Variants in TYW1B observed in about 807,000 individuals in gnomAD.
TYW1B encodes the protein tRNA-yW synthesizing protein 1 homolog B, also known as S-adenosyl-L-methionine-dependent tRNA 4-demethylwyosine synthase TYW1B.
In TYW1B, 73 loss-of-function variants were observed where a neutral mutation model predicts 86.9. That is an observed-to-expected ratio of 0.84 (90% CI 0.70 to 1.02). The LOEUF (loss-of-function observed/expected upper bound fraction) is 1.02. TYW1B is among the 50% of genes least tolerant of loss of function. The pLI is 0.00. For synonymous variants in TYW1B, 248 were observed against 292.8 expected (o/e 0.85, Z 1.56); for missense variants, 637 against 827.4 (o/e 0.77, Z 2.82).
chr7:72,651,606 C>T lies in TYW1B; in HGVS notation c.1507-22609G>A, dbSNP rs186756593. On this transcript the variant is annotated intron_variant, in intron 11 of 13. Transcript: ENST00000620995. Reference sequence around the variant, plus strand: ...CTCCAGCCTGGCCAACAGAGTGAGACTCCAACTCAAAAAAGTTAAAAAATT... The same window carrying T: ...CTCCAGCCTGGCCAACAGAGTGAGATTCCAACTCAAAAAAGTTAAAAAATT... 6.7e-4 allele frequency among the ~76,000 whole-genome samples: 102 copies of T among 152,228 alleles called. 1 individual carries two copies. Among genetic ancestry groups the T allele is most frequent in the Admixed American group, 5.3e-3 (81 of 15,270 alleles).
At chr7:72,755,619 G>A (rs1490079211) in intron 7 of TYW1B, among the ~76,000 whole-genome samples, 1 of 152,176 alleles carries the variant, frequency 6.6e-6, no homozygotes, top group Non-Finnish European at 1.5e-5. Flanking sequence ...AGCCGAGATC[G>A]TGCCACTGCA....
At chr7:72,679,723 A>G (rs541404650) in intron 11 of TYW1B, among the ~76,000 whole-genome samples, 2 of 152,338 alleles carry the variant, frequency 1.3e-5, no homozygotes, top group East Asian at 3.9e-4. Context: ...GTCAAAAATT[A>G]AATCAAGTTG....
chr7:72,805,793 C>T (rs1175653710), intron 5 of TYW1B, among the ~76,000 whole-genome samples: 1 of 151,972 alleles, frequency 6.6e-6, no homozygotes, highest in Non-Finnish European at 1.5e-5. Flanking sequence ...ACAGATCATC[C>T]GCAAGGATGC....
At chr7:72,677,027 T>C (rs1361467838) in intron 11 of TYW1B, among the ~76,000 whole-genome samples, 13 of 152,126 alleles carry the variant, frequency 8.5e-5, no homozygotes, top group African/African-American at 2.9e-4. Context: ...GTTGGGGTGA[T>C]GACAATGTTC....
At chr7:72,687,434 CA>C (rs1209384609) in intron 11 of TYW1B, among the ~76,000 whole-genome samples, 2 of 151,760 alleles carry the variant, frequency 1.3e-5, no homozygotes, top group South Asian at 2.1e-4. Context: ...AACTCCACCT[CA>C]AAAAAATAAA....
At chr7:72,729,114 T>A (rs1461098544) in intron 8 of TYW1B, among the ~76,000 whole-genome samples, 183 bp from the exon 9 acceptor site, 2 of 152,062 alleles carry the variant, frequency 1.3e-5, no homozygotes, top group Non-Finnish European at 2.9e-5. Context: ...CAGAGAGGGG[T>A]GAATAGAGAA....
intron 11 of TYW1B, among the ~76,000 whole-genome samples, chr7:72,665,561 C>T (rs1246869052): frequency 6.6e-6 from 1 of 152,200 alleles, no homozygotes; most frequent in Non-Finnish European, 1.5e-5. Context: ...CTTATTTTCA[C>T]TATCTTACAA....
At chr7:72,701,207 A>G (rs541948553) in intron 10 of TYW1B, among the ~76,000 whole-genome samples, 1 of 152,288 alleles carries the variant, frequency 6.6e-6, no homozygotes, top group East Asian at 1.9e-4. Context: ...TCAACTGTAT[A>G]GGACACATTC....
chr7:72,658,678 T>C (rs1554444035), intron 11 of TYW1B, among the ~76,000 whole-genome samples: 2 of 152,242 alleles, frequency 1.3e-5, no homozygotes, highest in Admixed American at 6.5e-5. Flanking sequence ...TATGGATATG[T>C]ATGTACAAAT....
intron 9 of TYW1B, among the ~76,000 whole-genome samples, chr7:72,728,355 G>A (rs1375878009): frequency 6.6e-6 from 1 of 152,094 alleles, no homozygotes; most frequent in Admixed American, 6.6e-5. Context: ...TGCCCAGGTT[G>A]GAGTGGAGTG....
intron 11 of TYW1B, among the ~76,000 whole-genome samples, chr7:72,632,319 T>G (rs1409851710): frequency 1.5e-5 from 1 of 67,680 alleles, no homozygotes; most frequent in African/African-American, 1.1e-4. Context: ...ATATTATATA[T>G]ATTATATATA....
chr7:72,659,838 C>T (rs1409130542), intron 11 of TYW1B, among the ~76,000 whole-genome samples: 1 of 152,196 alleles, frequency 6.6e-6, no homozygotes, highest in East Asian at 1.9e-4. Context: ...TGAAACAGCA[C>T]TGCATTCAGG....
intron 8 of TYW1B, among the ~76,000 whole-genome samples, chr7:72,741,769 T>A (rs1787308682): frequency 6.6e-6 from 1 of 152,132 alleles, no homozygotes; most frequent in South Asian, 2.1e-4. Flanking sequence ...GTATAAGGGA[T>A]CCTTAGTAAA....
chr7:72,692,415 G>A (rs1814193423), intron 11 of TYW1B, among the ~76,000 whole-genome samples: 2 of 152,046 alleles, frequency 1.3e-5, no homozygotes. Flanking sequence ...TTGGGAGGCT[G>A]AGGCAGGAGG....
chr7:72,804,042 T>A (rs1788451589), intron 5 of TYW1B, among the ~76,000 whole-genome samples: 1 of 151,840 alleles, frequency 6.6e-6, no homozygotes, highest in Non-Finnish European at 1.5e-5. Flanking sequence ...CCCAGCACTT[T>A]GGGAGGCCGA....
Position 72,726,149 on chromosome 7 carries a change from G to A in TYW1B, c.1192+2673C>T, listed in dbSNP as rs187859589. Among the ~76,000 whole-genome samples, 316 of 152,206 alleles carry A rather than the reference G, an allele frequency of 2.1e-3. 2 individuals are homozygous for A. The highest frequency in any genetic ancestry group is 7.3e-3 in the African/African-American group (303 of 41,548). On this transcript the variant is annotated intron_variant, in intron 9 of 13. Coordinates refer to ENST00000620995, the MANE Select transcript of TYW1B (RefSeq NM_001145440.3). ...TTCCAAAACACTGGTAAGAGACACT[G>A]CTTTATCCAAGTATAAGAATGTAAT...
chr7:72,747,602 A>T (rs1469067529), intron 7 of TYW1B, among the ~76,000 whole-genome samples: 1 of 152,214 alleles, frequency 6.6e-6, no homozygotes, highest in Non-Finnish European at 1.5e-5. Flanking sequence ...AAGCTACAAG[A>T]TCAGAGTGAA....
rs569136239 is a variant in TYW1B, at chr7:72,575,436, G to A, written c.*62C>T. 15 of 1,577,606 alleles carry A rather than the reference G, an allele frequency of 9.5e-6. No individual in the cohort carries two copies. The African/African-American group carries it at 1.8e-4, about 19-fold the overall frequency. ...TTCGTCCTTGGAGAATCAGAGTGGT[G>A]TTCAAGAACCTTTTGAGGCCATCCA... On this transcript the variant is annotated 3_prime_UTR_variant, in exon 14 of 14. Transcript: ENST00000620995.
chr7:72,791,854 C>T (rs1296819059), intron 6 of TYW1B, among the ~76,000 whole-genome samples: 4 of 152,160 alleles, frequency 2.6e-5, no homozygotes, highest in Non-Finnish European at 5.9e-5. Context: ...TTTTCTGTAT[C>T]CTTTCCTCTA....
Sources: gnomAD v4.1 joint callset for allele counts (sites outside exome capture counted in the v4.1 genomes callset) on GRCh38, gnomAD v4.1.1 for gene constraint, MANE v1.5 for transcripts, NCBI Gene and HGNC (gene_info 2026-07-23, HGNC 2026-07-21) for gene names.